The following DOCK2 variants were observed in gnomAD, a reference collection of about 807,000 sequenced individuals.
DOCK2 encodes the protein dedicator of cytokinesis 2.
Under a neutral mutation model 248.9 loss-of-function variants are expected in DOCK2, and 87 were observed. The observed-to-expected ratio is 0.35, with a 90% CI of 0.29 to 0.42. DOCK2 has a LOEUF of 0.42. Among genes scored for constraint, DOCK2 ranks in the 10% least tolerant of loss-of-function variants. The probability of loss-of-function intolerance (pLI) is 1.00; values close to 1 mark genes in which losing one functional copy is unlikely to be tolerated. For synonymous variants in DOCK2, 805 were observed against 821.6 expected, an observed-to-expected ratio of 0.98 and a Z score of 0.35; for missense variants, 1,747 against 2,300.2, an observed-to-expected ratio of 0.76 and a Z score of 4.92.
intron 50 of DOCK2, 190 bp downstream of exon 50, chr5:170,080,473 A>G (rs1416383530): frequency 1.1e-5 from 9 of 829,022 alleles, no homozygotes; most frequent in Non-Finnish European, 1.6e-5. Context: ...GGGTGACACC[A>G]TCCCAGCAAG....
chr5:169,814,790 A>C (rs891461753), intron 26 of DOCK2, among the ~76,000 whole-genome samples: 3 of 152,156 alleles, frequency 2.0e-5, no homozygotes, highest in African/African-American at 4.8e-5. Context: ...ACTTATTTCT[A>C]TGTGAAGGGA....
chr5:169,699,502 G>T (rs1276327363), intron 12 of DOCK2, 44 bp downstream of exon 12: 1 of 1,580,298 alleles, frequency 6.3e-7, no homozygotes, highest in South Asian at 1.1e-5. Flanking sequence ...CTCCAGCTTG[G>T]GAGCCCCTAA....
At chr5:169,989,773 G>A (rs758543966) in intron 29 of DOCK2, among the ~76,000 whole-genome samples, 1 of 152,176 alleles carries the variant, frequency 6.6e-6, no homozygotes, top group South Asian at 2.1e-4. Flanking sequence ...ATATTTGTGG[G>A]AACTAAAATG....
rs184681839 is a variant in DOCK2 at position 169,763,503 on chromosome 5, A to C, written c.2554+1878A>C. Reference sequence around the variant, plus strand: ...CATCAAGGCCAGATGGAGTGCTAGCACGGGCCTGGGCTGGGCATGTGGTGT... The same window carrying C: ...CATCAAGGCCAGATGGAGTGCTAGCCCGGGCCTGGGCTGGGCATGTGGTGT... On this transcript the variant is annotated intron_variant, in intron 25 of 51. Coordinates refer to ENST00000520908, the MANE Select transcript of DOCK2 (RefSeq NM_004946.3). This position sits in a 1 kb window ranked among gnomAD's most constrained non-coding sequence, Gnocchi z 4.1. Among the ~76,000 whole-genome samples the C allele has an allele frequency of 3.7e-4, 56 of 152,302 alleles. No homozygotes were observed. Among genetic ancestry groups the C allele is most frequent in the Admixed American group, 7.8e-4 (12 of 15,296 alleles).
chr5:169,727,248 C>A (rs539600741), intron 22 of DOCK2, among the ~76,000 whole-genome samples: 1 of 152,274 alleles, frequency 6.6e-6, no homozygotes, highest in African/African-American at 2.4e-5. Flanking sequence ...TTTTACTCCA[C>A]CTCACTTAAT....
chr5:169,910,991 C>A (rs1336082460), intron 27 of DOCK2, among the ~76,000 whole-genome samples: 1 of 152,116 alleles, frequency 6.6e-6, no homozygotes, highest in Non-Finnish European at 1.5e-5. Flanking sequence ...ATAAGTGAAA[C>A]CCTCAGGTGC....
At chr5:169,987,507 A>G (rs1778098562) in intron 29 of DOCK2, among the ~76,000 whole-genome samples, 1 of 152,226 alleles carries the variant, frequency 6.6e-6, no homozygotes, top group Non-Finnish European at 1.5e-5. Context: ...ACAGATGTCC[A>G]GCCTTGATCC....
Position 169,714,460 on chromosome 5 carries a change from C to T in DOCK2, c.1941+3C>T. On this transcript the variant is annotated splice_donor_region_variant and intron_variant, in intron 19 of 51. Coordinates refer to ENST00000520908, the MANE Select transcript of DOCK2 (RefSeq NM_004946.3). The stretch of plus-strand genomic sequence containing the variant: ...TGGATGGAGAGGAAGTGGTGAAGGT[C>T]AGTGGGGCTTCATTTTGATTGTATT... 6.2e-7 allele frequency: 1 copy of T among 1,613,692 alleles called. No homozygotes were observed. Among genetic ancestry groups the T allele is most frequent in the Non-Finnish European group, 8.5e-7 (1 of 1,179,804 alleles).
intron 6 of DOCK2, 110 bp from the exon 7 acceptor site, chr5:169,681,634 T>TG: frequency 7.3e-7 from 1 of 1,375,084 alleles, no homozygotes; most frequent in Non-Finnish European, 1.0e-6. Context: ...AGCTCTTCTA[T>TG]GTGACTATAT....
chr5:170,075,599 A>G (rs557901629), intron 46 of DOCK2: 134 of 210,246 alleles, frequency 6.4e-4, no homozygotes, highest in Non-Finnish European at 9.2e-4. Context: ...TTTTAAATCA[A>G]TGCAACAGAG....
At chr5:170,051,750 A>T (rs1756924866) in intron 41 of DOCK2, among the ~76,000 whole-genome samples, 1 of 152,090 alleles carries the variant, frequency 6.6e-6, no homozygotes, top group Admixed American at 6.5e-5. Context: ...GTACAAAGTG[A>T]CTCCCAGTAA....
At chr5:170,021,196 A>G (rs1328988028) in intron 33 of DOCK2, among the ~76,000 whole-genome samples, 2 of 152,198 alleles carry the variant, frequency 1.3e-5, no homozygotes, top group African/African-American at 2.4e-5. Flanking sequence ...GTATCTGAGC[A>G]GTTGGGATAG....
intron 29 of DOCK2, among the ~76,000 whole-genome samples, chr5:169,994,394 T>A (rs920152720): frequency 1.3e-5 from 2 of 152,220 alleles, no homozygotes; most frequent in Middle Eastern, 6.8e-3. Flanking sequence ...GCAATGAGGA[T>A]CCCTTGGGGT....
rs373545462 is a variant in DOCK2 at position 170,034,602 on chromosome 5, G to C, written c.3624+47G>C. On this transcript the variant is annotated intron_variant, in intron 35 of 51. Coordinates refer to ENST00000520908, the MANE Select transcript of DOCK2 (RefSeq NM_004946.3). ...AAGTCAGACCAGAACCCTGTGGGGG[G>C]GCTTGGGCTTGGCTTTGGGTCTCAC... The C allele has an allele frequency of 1.1e-5, 18 of 1,604,856 alleles. No individual in the cohort carries two copies. In the African/African-American group the frequency reaches 1.6e-4, roughly 14 times the overall value.
chr5:169,793,874 T>A (rs261610), intron 25 of DOCK2, among the ~76,000 whole-genome samples: 24,625 of 152,142 alleles, frequency 0.16, 2,140 homozygotes, highest in Middle Eastern at 0.2. Flanking sequence ...TGTGCCTCCC[T>A]GAAATCAGTG....
At position 170,082,686 on chromosome 5, in the gene DOCK2, T is replaced by G. The variant is rs576284365; in HGVS notation, c.5431-110T>G. On this transcript the variant is annotated intron_variant, in intron 51 of 51. Transcript: ENST00000520908. ...CATAGCAGCTCACATTCACTGGGCT[T>G]TGGGCAGGGGTCAGTGTTGAGGCCC... The G allele has an allele frequency of 1.4e-5, 19 of 1,365,382 alleles. No homozygotes were observed. In the African/African-American group the frequency reaches 2.7e-4, roughly 20 times the overall value. 84.6% of individuals were successfully genotyped at this position (1,365,382 alleles called of 1,614,324 possible).
intron 27 of DOCK2, among the ~76,000 whole-genome samples, chr5:169,843,785 A>G (rs969000733): frequency 2.6e-5 from 4 of 152,218 alleles, no homozygotes; most frequent in African/African-American, 9.6e-5. Context: ...GGAAAATTTT[A>G]TATAAATGAA....
In DOCK2 at chr5:169,708,212, A is replaced by G. The variant is rs776943921; in HGVS notation, c.1427A>G (p.Tyr476Cys). The change falls in exon 15 of 52, where the codon TAT (tyrosine) becomes TGT (cysteine). Residue 476 changes from tyrosine (Y) to cysteine (C), a missense_variant. By Grantham distance (194) the Tyr-to-Cys change is radical (BLOSUM62 -2). Around this residue, in one of 4 missense-constraint regions of DOCK2, gnomAD observed 858 missense variants for 1,183.5 expected, o/e 0.72. Transcript: ENST00000520908. ...GCAGGGGACAAGCCCATGAATGAGT[A>G]TCGCTCCGTTGTGTACTATCAAGTC... ...VGAGDKPMNE[Y>C]RSVVYYQVKQ... is the part of the protein sequence containing the mutation. The G allele has an allele frequency of 5.6e-6, 9 of 1,614,020 alleles. No individual in the cohort carries two copies. In the Admixed American group the frequency reaches 1.5e-4, roughly 27 times the overall value.
chr5:169,881,932 A>G, intron 27 of DOCK2, among the ~76,000 whole-genome samples: 1 of 152,234 alleles, frequency 6.6e-6, no homozygotes, highest in Middle Eastern at 3.2e-3. Flanking sequence ...ATCTAAACAA[A>G]TAACTGCCTT....
Sources: gnomAD v4.1 joint callset for allele counts (sites outside exome capture counted in the v4.1 genomes callset) on GRCh38, gnomAD v4.1.1 for gene constraint, gnomAD v4.1.1 regional missense constraint, Gnocchi (gnomAD v3.1) non-coding constraint, MANE v1.5 for transcripts, NCBI Gene and HGNC (gene_info 2026-07-23, HGNC 2026-07-21) for gene names.